Variants in TASOR2 observed in about 807,000 individuals in gnomAD.
TASOR2 encodes the protein transcription activation suppressor family member 2.
A neutral mutation model predicts 199.5 loss-of-function variants in TASOR2; 84 were observed. That is an observed-to-expected ratio of 0.42 (90% CI 0.35 to 0.50). TASOR2 has a LOEUF of 0.50. Ranked by LOEUF, TASOR2 falls within the 20% of genes least tolerant of loss-of-function variation. The pLI, the probability that TASOR2 is intolerant of heterozygous loss-of-function variation, is 0.02. For missense variants in TASOR2, 2,796 were observed against 2,835.9 expected (o/e 0.99, Z 0.32); for synonymous variants, 1,103 against 1,046.6 (o/e 1.05, Z -1.04).
rs534554431 is a variant in TASOR2 at position 5,685,726 on chromosome 10, A to G, written c.-288+551A>G. ...AGTTTGTCTGAAGGCGGCGCCAAGC[A>G]GCGTTTCGTGGGAGAACTGGGTTGA... is the stretch of plus-strand genomic sequence containing the variant. On this transcript the variant is annotated intron_variant, in intron 1 of 20. Coordinates refer to ENST00000328090, the Ensembl canonical transcript of TASOR2. The surrounding 1 kb of genome is among the most constrained non-coding windows in gnomAD (Gnocchi z 5.4). Among the ~76,000 whole-genome samples, 40 of 152,342 alleles carry G rather than the reference A, an allele frequency of 2.6e-4. No individual in the cohort carries two copies. The highest frequency in any genetic ancestry group is 4.1e-4 in the Non-Finnish European group (28 of 68,028).
At chr10:5,755,920 A>C (rs1486449729) in intron 15 of TASOR2, among the ~76,000 whole-genome samples, 1 of 152,032 alleles carries the variant, frequency 6.6e-6, no homozygotes, top group Non-Finnish European at 1.5e-5. Flanking sequence ...TGAGCCCGGG[A>C]GGTCAAAGCT....
chr10:5,762,074 G>T (rs943333290), intron 19 of TASOR2, among the ~76,000 whole-genome samples: 4 of 152,016 alleles, frequency 2.6e-5, no homozygotes, highest in African/African-American at 9.7e-5. Flanking sequence ...CCAGGAATTT[G>T]AGGCCAGCCT....
At chr10:5,762,707 A>G in intron 20 of TASOR2, 61 bp downstream of exon 21, 1 of 810,232 alleles carries the variant, frequency 1.2e-6, no homozygotes, top group Non-Finnish European at 2.1e-6. Context: ...GCAAATATTG[A>G]CATTTGTGTC....
chr10:5,712,458 T>C (rs1050251885), intron 1 of TASOR2: 1 of 1,231,766 alleles, frequency 8.1e-7, no homozygotes, highest in Admixed American at 4.2e-5. Context: ...TCCTCCATAC[T>C]TCTTACTTGG....
At position 5,742,036 on chromosome 10, in the gene TASOR2, G is replaced by A. The variant is rs1046559763; in HGVS notation, c.2328-61G>A. On this transcript the variant is annotated intron_variant, in intron 13 of 20. Coordinates refer to ENST00000328090, the Ensembl canonical transcript of TASOR2. The surrounding 1 kb of genome is among the most constrained non-coding windows in gnomAD (Gnocchi z 4.2). ...TATTGGAGGCACTTGCTTATGATAA[G>A]GTAATCAACTAAAATAACCATTTTC... The A allele has an allele frequency of 1.8e-5, 27 of 1,509,886 alleles. No individual in the cohort carries two copies. The African/African-American group carries it at 2.9e-4, about 16-fold the overall frequency. The allele number at this position is 1,509,886 out of a possible 1,614,324, so 93.5% of individuals were successfully genotyped here.
chr10:5,735,603 G>T, intron 12 of TASOR2, 57 bp downstream of exon 13: 2 of 1,558,814 alleles, frequency 1.3e-6, no homozygotes, highest in Non-Finnish European at 1.7e-6. Flanking sequence ...AACAGAGAGT[G>T]CAAGATAATT....
chr10:5,733,421 T>C (rs1283461695), intron 11 of TASOR2, among the ~76,000 whole-genome samples: 1 of 152,062 alleles, frequency 6.6e-6, no homozygotes, highest in African/African-American at 2.4e-5. Context: ...GACACGAGAA[T>C]CTCTTGAACC....
chr10:5,756,813 CTT>C (rs1839025679), intron 16 of TASOR2, 75 bp downstream of exon 17: 1 of 1,481,000 alleles, frequency 6.8e-7, no homozygotes, highest in Admixed American at 2.0e-5. Context: ...ACTCATCCCT[CTT>C]TTTTTATGTA....
At chr10:5,708,615 C>CCTCT in intron 1 of TASOR2, among the ~76,000 whole-genome samples, 1 of 13,184 alleles carries the variant, frequency 7.6e-5, no homozygotes, top group African/African-American at 1.8e-4. Flanking sequence ...TTCCTCCCTC[C>CCTCT]CTCCCTCCCT....
intron 1 of TASOR2, among the ~76,000 whole-genome samples, chr10:5,692,149 C>CAGAAAA (rs1836505032): frequency 8.9e-6 from 1 of 112,270 alleles, no homozygotes; most frequent in African/African-American, 3.5e-5. Flanking sequence ...CACTCTGTCT[C>CAGAAAA]AAAAAAAAAA....
chr10:5,752,856 C>CCT lies in TASOR2; in HGVS notation c.6606+2831_6606+2832dup, dbSNP rs1307413589. On this transcript the variant is annotated intron_variant, in intron 15 of 20. Transcript: ENST00000328090. This position sits in a 1 kb window ranked among gnomAD's most constrained non-coding sequence, Gnocchi z 4.4. Reference sequence around the variant, plus strand: ...CAGGCTGGGCTGTGGGAGAGAACAGCCTCACGCCTCATATGGCAGTGGCAG... The same window carrying CCT: ...CAGGCTGGGCTGTGGGAGAGAACAGCCTCTCACGCCTCATATGGCAGTGGCAG... 6.6e-6 allele frequency among the ~76,000 whole-genome samples: 1 copy of CCT among 152,172 alleles called. No individual in the cohort carries two copies. The highest frequency in any genetic ancestry group is 1.5e-5 in the Non-Finnish European group (1 of 68,014).
intron 3 of TASOR2, among the ~76,000 whole-genome samples, chr10:5,718,638 A>C (rs1440019137): frequency 6.6e-6 from 1 of 151,978 alleles, no homozygotes. Context: ...GGGTGCCTGT[A>C]ATCCCAGCTA....
At chr10:5,704,395 CT>C (rs1332690872) in intron 1 of TASOR2, among the ~76,000 whole-genome samples, 1 of 151,954 alleles carries the variant, frequency 6.6e-6, no homozygotes, top group Non-Finnish European at 1.5e-5. Context: ...GAAAATTCCC[CT>C]GTTTTCTCTA....
intron 12 of TASOR2, 29 bp from the exon 14 acceptor site, chr10:5,739,587 ATC>A (rs1488374688): frequency 1.9e-6 from 3 of 1,579,720 alleles, no homozygotes; most frequent in Non-Finnish European, 2.6e-6. Context: ...ACAAGCAAAC[ATC>A]TCTCTTTTTT....
chr10:5,709,576 G>A (rs765046959), intron 1 of TASOR2: 214 of 1,230,376 alleles, frequency 1.7e-4, no homozygotes, highest in Non-Finnish European at 1.9e-4. Context: ...GAATTCTGAG[G>A]GTATACTTGG....
intron 1 of TASOR2, among the ~76,000 whole-genome samples, chr10:5,692,166 C>CAAAAAA (rs1836512537): frequency 8.5e-5 from 6 of 70,444 alleles, no homozygotes; most frequent in Non-Finnish European, 6.2e-5. Context: ...AAAAAAAAAG[C>CAAAAAA]CATATTCATT....
chr10:5,746,821 C>G (rs1370129279), exon 15 of TASOR2: 1 of 1,614,066 alleles, frequency 6.2e-7, no homozygotes, highest in African/African-American at 1.3e-5. Flanking sequence ...TGGAGAGACA[C>G]TTGATAAAGC....
rs1310225353 is a variant in TASOR2, at chr10:5,730,819, G to A, written c.820G>A (p.Val274Met). The change falls in exon 11 of 21, where the codon GTG (valine) becomes ATG (methionine). Residue 274 changes from valine to methionine, a missense_variant. Val to Met is a conservative substitution (Grantham distance 21). This residue lies in a region of TASOR2 where 847 missense variants were observed against 887.4 expected (regional missense o/e 0.95). Coordinates refer to ENST00000328090, the Ensembl canonical transcript of TASOR2. This position sits in a 1 kb window ranked among gnomAD's most constrained non-coding sequence, Gnocchi z 4.1. Reference sequence around the variant, plus strand: ...AGACCCTAGTGCTTACATTTTGGAAGTGTCTACTGCTTTGGACTTGCTAGC... The same window carrying A: ...AGACCCTAGTGCTTACATTTTGGAAATGTCTACTGCTTTGGACTTGCTAGC... The A allele has an allele frequency of 6.2e-7, 1 of 1,614,078 alleles. No individual in the cohort carries two copies. Among genetic ancestry groups the A allele is most frequent in the African/African-American group, 1.3e-5 (1 of 74,942 alleles).
exon 15 of TASOR2, chr10:5,749,465 T>C (rs1485710981): frequency 4.3e-6 from 7 of 1,614,032 alleles, no homozygotes; most frequent in Non-Finnish European, 5.9e-6. Context: ...CAGATCTCCA[T>C]TGGTGCTTTC....
Sources: allele counts gnomAD v4.1 joint callset (sites outside exome capture counted in the v4.1 genomes callset), GRCh38; gene constraint gnomAD v4.1.1; regional missense constraint gnomAD v4.1.1; non-coding constraint Gnocchi (gnomAD v3.1); transcripts MANE v1.5; gene names NCBI Gene and HGNC (gene_info 2026-07-23, HGNC 2026-07-21).